The following PCDHGB1 variants were observed in gnomAD, a reference collection of about 807,000 sequenced individuals.
PCDHGB1 encodes the protein protocadherin gamma-B1.
Under a neutral mutation model 56.6 loss-of-function variants are expected in PCDHGB1, and 34 were observed. The observed-to-expected ratio is 0.60, with a 90% CI of 0.46 to 0.80. PCDHGB1 has a LOEUF of 0.80. Among genes scored for constraint, PCDHGB1 ranks in the 30% least tolerant of loss-of-function variants. The probability of loss-of-function intolerance (pLI) is 0.00; values close to 1 mark genes in which losing one functional copy is unlikely to be tolerated. For missense variants in PCDHGB1, 1,278 were observed against 1,204.6 expected, an observed-to-expected ratio of 1.06 and a Z score of -0.90; for synonymous variants, 561 against 505.9, an observed-to-expected ratio of 1.11 and a Z score of -1.46.
chr5:141,403,611 C>T lies in PCDHGB1; in HGVS notation c.2409+50942C>T. ...CTCACGGCCTCGGATGGCGGCGAGCCGCGTCGCTCCAGCACAGTGCGCATC... is the reference window on the plus strand; with the variant it reads ...CTCACGGCCTCGGATGGCGGCGAGCTGCGTCGCTCCAGCACAGTGCGCATC... On this transcript the variant is annotated intron_variant, in intron 1 of 3. Transcript: ENST00000523390. 6.2e-7 allele frequency: 1 copy of T among 1,613,860 alleles called. No homozygotes were observed.
intron 1 of PCDHGB1, chr5:141,419,360 C>T (rs763624320): frequency 6.2e-7 from 1 of 1,613,818 alleles, no homozygotes; most frequent in South Asian, 1.1e-5. Flanking sequence ...GTCACGAACG[C>T]TGTCGTCCTA....
At chr5:141,380,705 T>G (rs1776676195) in intron 1 of PCDHGB1, among the ~76,000 whole-genome samples, 1 of 152,242 alleles carries the variant, frequency 6.6e-6, no homozygotes, top group African/African-American at 2.4e-5. Context: ...AGTCTATAAT[T>G]TAATTTAACT....
chr5:141,503,608 A>AAAAAAAG (rs1483073868), intron 2 of PCDHGB1, among the ~76,000 whole-genome samples: 1 of 151,994 alleles, frequency 6.6e-6, no homozygotes, highest in East Asian at 1.9e-4. Flanking sequence ...CAAAAAAAAA[A>AAAAAAAG]AAAAAAGAAA....
At chr5:141,408,818 A>G in intron 1 of PCDHGB1, 1 of 1,613,578 alleles carries the variant, frequency 6.2e-7, no homozygotes, top group South Asian at 1.1e-5. Flanking sequence ...GGAAGAACAG[A>G]GATCTCATAG....
rs987203685 is a variant in PCDHGB1 at position 141,403,829 on chromosome 5, C to A, written c.2409+51160C>A. ...TAATGAAAAACAATCTCTGCTATTC[C>A]AGCTTAATGAAAATACTGGGGAAAT... is the stretch of plus-strand genomic sequence containing the variant. On this transcript the variant is annotated intron_variant, in intron 1 of 3. Transcript: ENST00000523390. 1.2e-6 allele frequency: 2 copies of A among 1,613,602 alleles called. No homozygotes were observed. The highest frequency in any genetic ancestry group is 2.2e-5 in the East Asian group (1 of 44,884).
Position 141,361,665 on chromosome 5 carries a change from G to A in PCDHGB1, c.2409+8996G>A, listed in dbSNP as rs368441959. 2.6e-4 allele frequency: 414 copies of A among 1,613,696 alleles called. 2 individuals are homozygous for A. In the African/African-American group the frequency reaches 4.6e-3, roughly 18 times the overall value. ...TATCCTACGTGTCCGTGAGCGCGCA[G>A]AGCGGGGTGGTGTTCGCGCAGCGCG... On this transcript the variant is annotated intron_variant, in intron 1 of 3. Transcript: ENST00000523390.
Position 141,427,760 on chromosome 5 carries a change from T to C in PCDHGB1, c.2410-67047T>C, listed in dbSNP as rs1464459008. On this transcript the variant is annotated intron_variant, in intron 1 of 3. Coordinates refer to ENST00000523390, the MANE Select transcript of PCDHGB1 (RefSeq NM_018922.3). The stretch of plus-strand genomic sequence containing the variant: ...AAGTCTCCTACTCCATCGTTACCAC[T>C]GACTTGGAGCTGCGGGCACTGTCGT... The C allele has an allele frequency of 4.4e-6, 6 of 1,360,822 alleles. No individual in the cohort carries two copies. The Admixed American group carries it at 5.1e-5, about 12-fold the overall frequency. 84.3% of individuals were successfully genotyped at this position (1,360,822 alleles called of 1,614,324 possible).
chr5:141,494,925 G>T (rs936071950), intron 2 of PCDHGB1, 60 bp downstream of exon 2: 1 of 1,613,316 alleles, frequency 6.2e-7, no homozygotes. Flanking sequence ...GGGATGACGT[G>T]GGAGGAGATG....
intron 1 of PCDHGB1, among the ~76,000 whole-genome samples, chr5:141,453,193 A>G (rs2098757675): frequency 6.6e-6 from 1 of 152,142 alleles, no homozygotes; most frequent in Admixed American, 6.5e-5. Context: ...AGCTCACTGC[A>G]GCCTCAACCT....
chr5:141,393,460 A>ATGGC (rs754334472), intron 1 of PCDHGB1: 1 of 1,614,052 alleles, frequency 6.2e-7, no homozygotes, highest in South Asian at 1.1e-5. Flanking sequence ...ACGGCCTCGG[A>ATGGC]TGGCGGCAAG....
chr5:141,401,345 A>G (rs1233985725), intron 1 of PCDHGB1, among the ~76,000 whole-genome samples: 4 of 152,216 alleles, frequency 2.6e-5, no homozygotes, highest in Non-Finnish European at 4.4e-5. Context: ...TCCATCTCAA[A>G]AAAAAGGAAG....
intron 1 of PCDHGB1, chr5:141,418,934 G>T (rs1163951447): frequency 6.2e-7 from 1 of 1,614,056 alleles, no homozygotes; most frequent in African/African-American, 1.3e-5. Context: ...GATTATGGAG[G>T]ATTCCCCTCC....
At chr5:141,480,703 C>T (rs577131684) in intron 1 of PCDHGB1, among the ~76,000 whole-genome samples, 10 of 152,252 alleles carry the variant, frequency 6.6e-5, no homozygotes, top group Admixed American at 1.3e-4. Flanking sequence ...GGCCACACCC[C>T]GACAAATGAA....
intron 1 of PCDHGB1, chr5:141,355,282 G>A (rs1759783448): frequency 2.5e-6 from 4 of 1,613,774 alleles, no homozygotes; most frequent in Non-Finnish European, 3.4e-6. Flanking sequence ...GGAAATCAGG[G>A]CCGAACAGAT....
At chr5:141,403,167 C>G (rs775617849) in intron 1 of PCDHGB1, 1 of 1,614,026 alleles carries the variant, frequency 6.2e-7, no homozygotes, top group Non-Finnish European at 8.5e-7. Flanking sequence ...AGAGGTAGGA[C>G]GCAGCTTTTC....
chr5:141,460,270 C>G (rs1223096441), intron 1 of PCDHGB1, among the ~76,000 whole-genome samples: 1 of 151,828 alleles, frequency 6.6e-6, no homozygotes, highest in Non-Finnish European at 1.5e-5. Context: ...TTTATTTTTT[C>G]TTTTATAGTT....
intron 1 of PCDHGB1, among the ~76,000 whole-genome samples, chr5:141,435,951 G>C (rs371199258): frequency 3.9e-5 from 6 of 152,100 alleles, no homozygotes; most frequent in African/African-American, 1.4e-4. Flanking sequence ...ACCAAAAAAG[G>C]GGGCAAAATA....
At chr5:141,361,459 A>G in intron 1 of PCDHGB1, 4 of 1,614,028 alleles carry the variant, frequency 2.5e-6, no homozygotes, top group East Asian at 4.5e-5. Flanking sequence ...CACCCTGCAC[A>G]TCTCCGACGT....
At position 141,505,514 on chromosome 5, in the gene PCDHGB1, G is replaced by A. The variant is rs758026551; in HGVS notation, c.2557+33G>A. The A allele has an allele frequency of 1.2e-5, 20 of 1,613,682 alleles. No homozygotes were observed. The South Asian group carries it at 1.8e-4, about 14-fold the overall frequency. ...GTGTCAGTGTGTGTATGGAAGAGTGGGAGACCTGGGGTTCTGGGGTGCATC... is the reference window on the plus strand; with the variant it reads ...GTGTCAGTGTGTGTATGGAAGAGTGAGAGACCTGGGGTTCTGGGGTGCATC... On this transcript the variant is annotated intron_variant, in intron 3 of 3. Transcript: ENST00000523390.
Sources: allele counts gnomAD v4.1 joint callset (sites outside exome capture counted in the v4.1 genomes callset), GRCh38; gene constraint gnomAD v4.1.1; transcripts MANE v1.5; gene names NCBI Gene and HGNC (gene_info 2026-07-23, HGNC 2026-07-21).